TENM2: variants seen among roughly 807,000 people sequenced by gnomAD.
TENM2 encodes teneurin transmembrane protein 2.
TENM2 carries 52 observed loss-of-function variants against 245.2 expected under a neutral mutation model. The observed-to-expected ratio is 0.21, with a 90% CI of 0.17 to 0.27. The LOEUF (loss-of-function observed/expected upper bound fraction) is 0.27, where lower values mean the gene tolerates loss of function less well. TENM2 is among the 10% of genes least tolerant of loss of function. TENM2 has a pLI of 1.00. For missense variants in TENM2, 3,046 were observed against 3,666.8 expected (o/e 0.83, Z 4.37); for synonymous variants, 1,363 against 1,438.9 (o/e 0.95, Z 1.19).
chr5:167,393,172 T>C (rs901688038), intron 2 of TENM2, among the ~76,000 whole-genome samples: 1 of 148,698 alleles, frequency 6.7e-6, no homozygotes, highest in African/African-American at 2.5e-5. Context: ...CAATAAAAAA[T>C]GAACTTGAAA....
At chr5:167,973,183 A>G (rs1299954215) in intron 4 of TENM2, among the ~76,000 whole-genome samples, 2 of 152,240 alleles carry the variant, frequency 1.3e-5, no homozygotes, top group Non-Finnish European at 2.9e-5. Context: ...GAAAAGCATT[A>G]TGATCAAGGG....
intron 2 of TENM2, among the ~76,000 whole-genome samples, chr5:167,490,857 G>A (rs1265937612): frequency 6.6e-6 from 1 of 152,156 alleles, no homozygotes; most frequent in Non-Finnish European, 1.5e-5. Flanking sequence ...AATGTGATGG[G>A]ATAAGTCCCA....
intron 12 of TENM2, among the ~76,000 whole-genome samples, chr5:168,134,591 G>T (rs2066682758): frequency 6.6e-6 from 1 of 152,138 alleles, no homozygotes; most frequent in Admixed American, 6.5e-5. Flanking sequence ...GGAGGCTGAG[G>T]CAGGAGAATC....
chr5:167,228,901 C>T, the TENM2 span, among the ~76,000 whole-genome samples: 1 of 152,050 alleles, frequency 6.6e-6, no homozygotes, highest in African/African-American at 2.4e-5. Context: ...GACGGGGTTT[C>T]AACATTCACA....
chr5:167,351,583 G>T (rs996338496), intron 1 of TENM2, among the ~76,000 whole-genome samples: 6 of 152,186 alleles, frequency 3.9e-5, no homozygotes, highest in Non-Finnish European at 7.3e-5. Context: ...TCTCTCTGTT[G>T]CTCAGGCTAA....
At chr5:167,872,334 G>C (rs1299439484) in intron 2 of TENM2, among the ~76,000 whole-genome samples, 1 of 62,002 alleles carries the variant, frequency 1.6e-5, no homozygotes, top group Non-Finnish European at 4.2e-5. Flanking sequence ...AAGAAAGAAA[G>C]AAAGAAAGAA....
chr5:168,089,584 T>C (rs1792748392), intron 7 of TENM2, among the ~76,000 whole-genome samples: 1 of 152,158 alleles, frequency 6.6e-6, no homozygotes, highest in South Asian at 2.1e-4. Context: ...AAAGTTAAAC[T>C]TTAATTGCTG....
intron 2 of TENM2, among the ~76,000 whole-genome samples, chr5:167,619,829 G>C (rs928211532): frequency 2.6e-5 from 4 of 151,876 alleles, no homozygotes; most frequent in Non-Finnish European, 5.9e-5. Context: ...TTCTTTCATT[G>C]GCATTTCAAG....
At chr5:167,730,063 A>G (rs1159892829) in intron 2 of TENM2, among the ~76,000 whole-genome samples, 1 of 152,166 alleles carries the variant, frequency 6.6e-6, no homozygotes, top group Non-Finnish European at 1.5e-5. Context: ...CTTCTCTACC[A>G]TTGGAAATAA....
intron 24 of TENM2, among the ~76,000 whole-genome samples, chr5:168,227,120 G>T (rs1764266152): frequency 6.6e-6 from 1 of 152,184 alleles, no homozygotes; most frequent in Non-Finnish European, 1.5e-5. Flanking sequence ...GCCAGCCCAG[G>T]CCAGCTCCTT....
the TENM2 span, among the ~76,000 whole-genome samples, chr5:167,248,725 A>C: frequency 4.5e-4 from 69 of 152,254 alleles, no homozygotes; most frequent in African/African-American, 1.5e-3. Flanking sequence ...AATACATGAA[A>C]GAATTAGTAA....
At chr5:167,872,494 A>AAGAAAGAAAGAAAGAC (rs1772988545) in intron 2 of TENM2, among the ~76,000 whole-genome samples, 1 of 12,764 alleles carries the variant, frequency 7.8e-5, no homozygotes, top group African/African-American at 1.3e-4. Context: ...AAAAGAAAGA[A>AAGAAAGAAAGAAAGAC]AGAAAGAAAG....
chr5:167,376,418 C>T (rs1287683644), intron 2 of TENM2, among the ~76,000 whole-genome samples: 18 of 152,118 alleles, frequency 1.2e-4, no homozygotes, highest in Admixed American at 1.2e-3. Context: ...ATATTAGAAA[C>T]TTCTGCCAGA....
intron 1 of TENM2, among the ~76,000 whole-genome samples, chr5:167,372,678 T>G (rs572011981): frequency 1.3e-5 from 2 of 152,244 alleles, no homozygotes; most frequent in African/African-American, 4.8e-5. Context: ...TGGGTTTTCA[T>G]TTATTGTGGG....
At chr5:167,320,274 A>T (rs1756628454) in intron 1 of TENM2, among the ~76,000 whole-genome samples, 1 of 152,202 alleles carries the variant, frequency 6.6e-6, no homozygotes, top group African/African-American at 2.4e-5. Context: ...AGCCTAATGG[A>T]GATTAAATAC....
intron 2 of TENM2, among the ~76,000 whole-genome samples, chr5:167,587,845 A>G (rs916742266): frequency 1.3e-5 from 2 of 152,168 alleles, no homozygotes; most frequent in Admixed American, 1.3e-4. Flanking sequence ...TTCCCTTTTT[A>G]TATGTCAGAA....
chr5:167,863,776 C>T (rs2151302108), intron 2 of TENM2, among the ~76,000 whole-genome samples: 1 of 152,246 alleles, frequency 6.6e-6, no homozygotes, highest in Middle Eastern at 3.4e-3. Flanking sequence ...GCTAGGTAGC[C>T]ACAATAAAGA....
chr5:167,880,501 G>A (rs1157985774), intron 3 of TENM2, among the ~76,000 whole-genome samples: 3 of 151,342 alleles, frequency 2.0e-5, no homozygotes, highest in Non-Finnish European at 4.4e-5. Flanking sequence ...AAGCAAAAAG[G>A]GAAACATAGG....
At chr5:167,518,880 C>A (rs1770574430) in intron 2 of TENM2, among the ~76,000 whole-genome samples, 1 of 151,964 alleles carries the variant, frequency 6.6e-6, no homozygotes, top group Non-Finnish European at 1.5e-5. Flanking sequence ...GCTTCTTGGG[C>A]CTTGAGAATC....
Sources: allele counts gnomAD v4.1 joint callset (sites outside exome capture counted in the v4.1 genomes callset), GRCh38; gene constraint gnomAD v4.1.1; transcripts MANE v1.5; gene names NCBI Gene and HGNC (gene_info 2026-07-23, HGNC 2026-07-21).